Variants in DHX9 observed in about 807,000 individuals in gnomAD.
DHX9 encodes DExH-box helicase 9.
DHX9 carries 27 observed loss-of-function variants against 148.7 expected under a neutral mutation model. The ratio of observed to expected loss-of-function variants is 0.18; its 90% CI spans 0.13 to 0.25. DHX9 has a LOEUF of 0.25. Ranked by LOEUF, DHX9 falls within the 10% of genes least tolerant of loss-of-function variation. DHX9 has a pLI of 1.00. For missense variants in DHX9, 796 were observed against 1,559.6 expected, an observed-to-expected ratio of 0.51 and a Z score of 8.25; for synonymous variants, 529 against 516.6, an observed-to-expected ratio of 1.02 and a Z score of -0.33.
chr1:182,884,339 A>G (rs899067549), intron 26 of DHX9, among the ~76,000 whole-genome samples: 1 of 152,092 alleles, frequency 6.6e-6, no homozygotes, highest in African/African-American at 2.4e-5. Context: ...TATTGCATAT[A>G]TTTTTATTAT....
intron 15 of DHX9, among the ~76,000 whole-genome samples, chr1:182,873,680 A>G (rs1304398865): frequency 3.9e-5 from 6 of 152,254 alleles, no homozygotes; most frequent in Non-Finnish European, 8.8e-5. Context: ...AGGTGTGGAT[A>G]CATGTGTTAG....
At chr1:182,855,524 A>G in intron 6 of DHX9, 1 of 984,318 alleles carries the variant, frequency 1.0e-6, no homozygotes, top group Non-Finnish European at 1.2e-6. Flanking sequence ...TGAACTAAGC[A>G]ATCACATGGG....
chr1:182,869,878 GCAT>G (rs1339425840), intron 14 of DHX9, among the ~76,000 whole-genome samples: 1 of 152,202 alleles, frequency 6.6e-6, no homozygotes, highest in African/African-American at 2.4e-5. Context: ...GGATTTACAG[GCAT>G]GAGCCACTGT....
At chr1:182,852,203 T>C in intron 3 of DHX9, 30 bp from the exon 4 acceptor site, 3 of 1,517,630 alleles carry the variant, frequency 2.0e-6, no homozygotes, top group Non-Finnish European at 2.7e-6. Flanking sequence ...GCAAAAGCAC[T>C]GACAGCTGCC....
At chr1:182,849,016 T>A (rs1374432811) in intron 3 of DHX9, among the ~76,000 whole-genome samples, 1 of 152,138 alleles carries the variant, frequency 6.6e-6, no homozygotes, top group East Asian at 1.9e-4. Flanking sequence ...AGGCCCTACC[T>A]CCAACATTGA....
At chr1:182,845,838 TA>T (rs1205702951) in intron 3 of DHX9, among the ~76,000 whole-genome samples, 2 of 152,144 alleles carry the variant, frequency 1.3e-5, no homozygotes, top group African/African-American at 4.8e-5. Context: ...GTTGGTGAAA[TA>T]AGTAGGGCAA....
chr1:182,841,728 C>G (rs1418217191), intron 1 of DHX9, among the ~76,000 whole-genome samples: 2 of 152,208 alleles, frequency 1.3e-5, no homozygotes, highest in Non-Finnish European at 2.9e-5. Context: ...TTTATTTTCT[C>G]TGGTTATAAA....
intron 26 of DHX9, among the ~76,000 whole-genome samples, chr1:182,884,151 G>A (rs1299024074): frequency 6.6e-6 from 1 of 152,064 alleles, no homozygotes; most frequent in African/African-American, 2.4e-5. Flanking sequence ...GCGCACACCT[G>A]TAGTCCCAGC....
chr1:182,881,707 T>C lies in DHX9; in HGVS notation c.2914+60T>C, dbSNP rs1391257998. On this transcript the variant is annotated intron_variant, in intron 24 of 27. Transcript: ENST00000367549. ...GTGACATTTATATAGTACATGCAAA[T>C]TGACAGCAAAGTGTATTTTAGTTTC... 4 of 1,499,894 alleles carry C rather than the reference T, an allele frequency of 2.7e-6. No individual in the cohort carries two copies. In the Middle Eastern group the frequency reaches 8.1e-4, roughly 306 times the overall value. The allele number at this position is 1,499,894 out of a possible 1,614,324, so 92.9% of individuals were successfully genotyped here.
rs1408727307 is a variant in DHX9 at position 182,887,306 on chromosome 1, A to G, written c.3685A>G (p.Asn1229Asp). The change falls in exon 28 of 28, where the codon AAC becomes GAC. Residue 1229 changes from asparagine to aspartate, a missense_variant. Coordinates refer to ENST00000367549, the MANE Select transcript of DHX9 (RefSeq NM_001357.5). ...AGTTTCCCGAGGTGGCTTTAGAGGCAACTCTGGAGGAGACTACAGAGGGCC... is the reference window on the plus strand; with the variant it reads ...AGTTTCCCGAGGTGGCTTTAGAGGCGACTCTGGAGGAGACTACAGAGGGCC... The part of the protein sequence containing the change: ...RGVSRGGFRG[N>D]SGGDYRGPSG... 1.2e-6 allele frequency: 2 copies of G among 1,614,144 alleles called. No homozygotes were observed. The highest frequency in any genetic ancestry group is 1.3e-5 in the African/African-American group (1 of 75,038).
At chr1:182,863,795 T>C (rs1648128181) in intron 12 of DHX9, among the ~76,000 whole-genome samples, 1 of 145,918 alleles carries the variant, frequency 6.9e-6, no homozygotes, top group Non-Finnish European at 1.5e-5. Context: ...ATTAGAAGAT[T>C]TTTTTTTTTT....
rs187979296 is a variant in DHX9 at position 182,849,811 on chromosome 1, T to A, written c.253-2422T>A. Among the ~76,000 whole-genome samples, 243 of 152,292 alleles carry A rather than the reference T, an allele frequency of 1.6e-3. 1 individual carries two copies. The highest frequency in any genetic ancestry group is 5.4e-3 in the African/African-American group (225 of 41,570). Reference sequence around the variant, plus strand: ...TCTACATATATCTTCCCTTTTTTTTTAATTGGATTCTTGGTCTTTTCCTCT... The same window carrying A: ...TCTACATATATCTTCCCTTTTTTTTAAATTGGATTCTTGGTCTTTTCCTCT... On this transcript the variant is annotated intron_variant, in intron 3 of 27. Transcript: ENST00000367549.
intron 21 of DHX9, among the ~76,000 whole-genome samples, chr1:182,879,703 A>G (rs1355702866): frequency 6.6e-6 from 1 of 152,194 alleles, no homozygotes; most frequent in Non-Finnish European, 1.5e-5. Flanking sequence ...TGATACCCAC[A>G]GTATTTCATA....
intron 16 of DHX9, among the ~76,000 whole-genome samples, chr1:182,875,681 A>G (rs1648730890): frequency 6.6e-6 from 1 of 152,222 alleles, no homozygotes; most frequent in Admixed American, 6.5e-5. Flanking sequence ...GAAAAAGACC[A>G]ATTGCAACAA....
At chr1:182,863,223 A>T (rs1243903621) in intron 12 of DHX9, among the ~76,000 whole-genome samples, 3 of 152,242 alleles carry the variant, frequency 2.0e-5, no homozygotes, top group African/African-American at 4.8e-5. Context: ...AAAATAATAA[A>T]AAGTAAAATA....
At chr1:182,859,237 C>A in intron 11 of DHX9, 120 bp downstream of exon 11, 2 of 780,542 alleles carry the variant, frequency 2.6e-6, no homozygotes, top group Non-Finnish European at 4.2e-6. Context: ...AAGATATGTA[C>A]CAAACTGCTA....
chr1:182,858,323 A>G (rs1668292638), intron 8 of DHX9, 83 bp downstream of exon 8: 1 of 1,483,648 alleles, frequency 6.7e-7, no homozygotes, highest in Non-Finnish European at 9.2e-7. Context: ...AAGAAGTTTA[A>G]TTTTAAGAAT....
At chr1:182,867,553 C>T (rs1648355612) in intron 14 of DHX9, among the ~76,000 whole-genome samples, 1 of 152,120 alleles carries the variant, frequency 6.6e-6, no homozygotes, top group South Asian at 2.1e-4. Flanking sequence ...CAGGTGCCCA[C>T]CACCATGCCC....
chr1:182,881,215 C>CA, intron 22 of DHX9, 49 bp from the exon 23 acceptor site: 22 of 1,570,908 alleles, frequency 1.4e-5, no homozygotes, highest in Non-Finnish European at 1.9e-5. Flanking sequence ...GAGCTGCTGG[C>CA]AACAACATTG....
Sources: allele counts gnomAD v4.1 joint callset (sites outside exome capture counted in the v4.1 genomes callset), GRCh38; gene constraint gnomAD v4.1.1; transcripts MANE v1.5; gene names NCBI Gene and HGNC (gene_info 2026-07-23, HGNC 2026-07-21).